The following HERC1 variants were observed in gnomAD, a reference collection of about 807,000 sequenced individuals.
The protein encoded by HERC1 is probable E3 ubiquitin-protein ligase HERC1.
HERC1 carries 160 observed loss-of-function variants against 554.3 expected under a neutral mutation model. That is an observed-to-expected ratio of 0.29 (90% confidence interval 0.25 to 0.33). HERC1 has a LOEUF of 0.33. Ranked by LOEUF, HERC1 falls within the 10% of genes least tolerant of loss-of-function variation. The probability of loss-of-function intolerance (pLI) is 1.00; values close to 1 mark genes in which losing one functional copy is unlikely to be tolerated. For synonymous variants in HERC1, 2,175 were observed against 2,131.7 expected (o/e 1.02, Z -0.56); for missense variants, 4,919 against 5,918.5 (o/e 0.83, Z 5.54).
chr15:63,768,283 A>G (rs966930410), intron 2 of HERC1, among the ~76,000 whole-genome samples: 1 of 152,236 alleles, frequency 6.6e-6, no homozygotes, highest in Non-Finnish European at 1.5e-5. Flanking sequence ...TGATCTTGTT[A>G]AAATACAGAT....
Position 63,747,704 on chromosome 15 carries a change from A to T in HERC1, c.2354+20T>A, listed in dbSNP as rs1596142865. 6.8e-7 allele frequency: 1 copy of T among 1,480,618 alleles called. No individual in the cohort carries two copies. Among genetic ancestry groups the T allele is most frequent in the East Asian group, 2.5e-5 (1 of 40,606 alleles). 91.7% of individuals were successfully genotyped at this position (1,480,618 alleles called of 1,614,324 possible). On this transcript the variant is annotated intron_variant, in intron 11 of 77. Coordinates refer to ENST00000443617, the MANE Select transcript of HERC1 (RefSeq NM_003922.4). Reference sequence around the variant, plus strand: ...CGCGCACACACACACACAAAGATACAAAACATACATATAACATACCTTGAT... The same window carrying T: ...CGCGCACACACACACACAAAGATACTAAACATACATATAACATACCTTGAT...
intron 40 of HERC1, among the ~76,000 whole-genome samples, chr15:63,666,987 T>C (rs981566915): frequency 2.0e-5 from 3 of 152,212 alleles, no homozygotes; most frequent in Non-Finnish European, 1.5e-5. Flanking sequence ...ATTTCCCTGA[T>C]TAAAATGGCC....
intron 6 of HERC1, among the ~76,000 whole-genome samples, chr15:63,754,875 T>G (rs1399695506): frequency 6.6e-6 from 1 of 152,246 alleles, no homozygotes; most frequent in Admixed American, 6.5e-5. Context: ...ATTCTTTTCA[T>G]GCTCCCCTCA....
intron 1 of HERC1, among the ~76,000 whole-genome samples, chr15:63,826,978 AT>A (rs2077960134): frequency 6.6e-6 from 1 of 151,782 alleles, no homozygotes; most frequent in African/African-American, 2.4e-5. Context: ...TGAACCAGCA[AT>A]CACACTTACA....
intron 74 of HERC1, among the ~76,000 whole-genome samples, chr15:63,622,352 T>C (rs192417137): frequency 0.012 from 1,652 of 142,242 alleles, 21 homozygotes; most frequent in Non-Finnish European, 0.017. Flanking sequence ...TTTTGAGATG[T>C]GGTCTCGCTC....
At chr15:63,819,608 G>A (rs2077616446) in intron 1 of HERC1, among the ~76,000 whole-genome samples, 1 of 151,932 alleles carries the variant, frequency 6.6e-6, no homozygotes, top group African/African-American at 2.4e-5. Flanking sequence ...CCTCTCCTTG[G>A]CAAAACAGAA....
intron 1 of HERC1, among the ~76,000 whole-genome samples, chr15:63,782,380 T>G (rs912550148): frequency 5.3e-5 from 8 of 152,268 alleles, no homozygotes; most frequent in Admixed American, 2.0e-4. Flanking sequence ...CTACTCTCCC[T>G]GTGCTCTACT....
intron 57 of HERC1, 33 bp from the exon 58 acceptor site, chr15:63,643,583 T>C: frequency 2.1e-6 from 3 of 1,456,406 alleles, no homozygotes; most frequent in Non-Finnish European, 2.8e-6. Flanking sequence ...TGCATTAAAA[T>C]AAAGATAAAT....
chr15:63,824,431 G>A (rs1320276393), intron 1 of HERC1, among the ~76,000 whole-genome samples: 2 of 151,764 alleles, frequency 1.3e-5, no homozygotes, highest in Non-Finnish European at 2.9e-5. Flanking sequence ...CTACTTAGGA[G>A]GCCAAGGCAG....
At position 63,775,173 on chromosome 15, in the gene HERC1, G is replaced by C. The variant is rs544246854; in HGVS notation, c.451C>G (p.Arg151Gly). Residue 151 changes from arginine (R) to glycine (G), a missense_variant, in exon 2 of 78, where the codon CGG becomes GGG. By Grantham distance (125) the Arg-to-Gly change is moderately radical. This residue lies in a region of HERC1 where 744 missense variants were observed against 1,090.0 expected (regional missense o/e 0.68). Coordinates refer to ENST00000443617, the MANE Select transcript of HERC1 (RefSeq NM_003922.4). The surrounding 1 kb of genome is among the most constrained non-coding windows in gnomAD (Gnocchi z 4.0). The part of the protein sequence containing the change: ...ADVHSVSERP[R>G]SSTDALIEMG... Reference sequence around the variant, plus strand: ...TCTATAAGTGCATCAGTGCTTGACCGGGGGCGTTCACTAACAGAATGGACA... The same window carrying C: ...TCTATAAGTGCATCAGTGCTTGACCCGGGGCGTTCACTAACAGAATGGACA... The C allele has an allele frequency of 6.2e-7, 1 of 1,613,918 alleles. No homozygotes were observed.
At chr15:63,689,495 G>C (rs1198801047) in intron 33 of HERC1, 94 bp downstream of exon 33, 11 of 643,004 alleles carry the variant, frequency 1.7e-5, no homozygotes, top group Non-Finnish European at 3.0e-5. Context: ...ATAAATGATA[G>C]AGCAAGGTGC....
At chr15:63,725,085 T>C (rs1485386211) in intron 18 of HERC1, among the ~76,000 whole-genome samples, 1 of 152,214 alleles carries the variant, frequency 6.6e-6, no homozygotes, top group East Asian at 1.9e-4. Flanking sequence ...CTACAATTTC[T>C]ATTTCCTCTG....
chr15:63,783,470 T>C (rs559001694), intron 1 of HERC1, among the ~76,000 whole-genome samples: 26 of 152,338 alleles, frequency 1.7e-4, no homozygotes, highest in African/African-American at 6.0e-4. Flanking sequence ...AATGCTATTA[T>C]ACACTTAACA....
At chr15:63,736,118 G>A (rs1051719328) in intron 12 of HERC1, among the ~76,000 whole-genome samples, 2 of 151,970 alleles carry the variant, frequency 1.3e-5, no homozygotes, top group Non-Finnish European at 2.9e-5. Flanking sequence ...ACAGACAAAG[G>A]GTAACTGACT....
In HERC1 at chr15:63,689,679, G is replaced by T. The variant is rs766731029; in HGVS notation, c.5958C>A (p.Ser1986=). ...QMAQIVERLF[S]LLSDCMWETP... Reference sequence around the variant, plus strand: ...TCTCCCACATACAATCAGAGAGAAGGGAAAATAAGCGCTCAACAATCTGTT... The same window carrying T: ...TCTCCCACATACAATCAGAGAGAAGTGAAAATAAGCGCTCAACAATCTGTT... Residue 1986 remains serine, a synonymous_variant, in exon 33 of 78, where the codon TCC becomes TCA. Transcript: ENST00000443617. The T allele has an allele frequency of 2.5e-6, 4 of 1,577,970 alleles. No homozygotes were observed. The highest frequency in any genetic ancestry group is 2.3e-5 in the South Asian group (2 of 85,608).
chr15:63,789,108 T>A (rs2076548985), intron 1 of HERC1, among the ~76,000 whole-genome samples: 3 of 71,386 alleles, frequency 4.2e-5, no homozygotes, highest in Non-Finnish European at 6.0e-5. Flanking sequence ...TTTTTTTTTT[T>A]GAGACGGAGT....
rs773040350 is a variant in HERC1, at chr15:63,641,512, C to T, written c.11565G>A (p.Glu3855=). The part of the protein sequence containing the change: ...NMAPCMRAFL[E]RLPMMLQEQY... Reference sequence around the variant, plus strand: ...GCTCCTGAAGCATCATGGGGAGCCGCTCCAAAAATGCTCTCATGCAGGGAG... The same window carrying T: ...GCTCCTGAAGCATCATGGGGAGCCGTTCCAAAAATGCTCTCATGCAGGGAG... Residue 3855 remains glutamate (E), a synonymous_variant, in exon 60 of 78, where the codon GAG becomes GAA. Transcript: ENST00000443617. 9 of 1,613,442 alleles carry T rather than the reference C, an allele frequency of 5.6e-6. No individual in the cohort carries two copies. Among genetic ancestry groups the T allele is most frequent in the Non-Finnish European group, 7.6e-6 (9 of 1,179,686 alleles).
chr15:63,735,636 T>C (rs749131866), intron 12 of HERC1, among the ~76,000 whole-genome samples: 12 of 152,160 alleles, frequency 7.9e-5, no homozygotes, highest in African/African-American at 1.7e-4. Flanking sequence ...TGCATTATCT[T>C]AGGCCTCATA....
At chr15:63,636,236 C>A (rs2068771069) in intron 64 of HERC1, 94 bp from the exon 65 acceptor site, 3 of 1,036,546 alleles carry the variant, frequency 2.9e-6, no homozygotes, top group East Asian at 2.4e-5. Context: ...TCAAAAACCA[C>A]CGAATTGGTA....
Sources: gnomAD v4.1 joint callset for allele counts (sites outside exome capture counted in the v4.1 genomes callset) on GRCh38, gnomAD v4.1.1 for gene constraint, gnomAD v4.1.1 regional missense constraint, Gnocchi (gnomAD v3.1) non-coding constraint, MANE v1.5 for transcripts, NCBI Gene and HGNC (gene_info 2026-07-23, HGNC 2026-07-21) for gene names.